Variants in ERBB4 observed in about 807,000 individuals in gnomAD.
The protein encoded by ERBB4 is receptor tyrosine-protein kinase erbB-4.
Under a neutral mutation model 158.0 loss-of-function variants are expected in ERBB4, and 42 were observed. The observed-to-expected ratio is 0.27, with a 90% CI of 0.21 to 0.34. The LOEUF is 0.34. ERBB4 is among the 10% of genes least tolerant of loss of function. ERBB4 has a pLI of 1.00. For missense variants in ERBB4, 1,333 were observed against 1,624.1 expected (o/e 0.82, Z 3.08); for synonymous variants, 583 against 558.7 (o/e 1.04, Z -0.61).
chr2:212,221,121 T>G (rs1574462466), intron 1 of ERBB4, among the ~76,000 whole-genome samples: 1 of 151,468 alleles, frequency 6.6e-6, no homozygotes, highest in East Asian at 1.9e-4. Flanking sequence ...GGGTGGTTTT[T>G]GAGTGGCAGT....
chr2:211,470,884 G>A (rs1319683332), intron 20 of ERBB4, among the ~76,000 whole-genome samples: 1 of 152,202 alleles, frequency 6.6e-6, no homozygotes, highest in Non-Finnish European at 1.5e-5. Context: ...ATTATTTGCT[G>A]CTGCTGCATC....
intron 2 of ERBB4, among the ~76,000 whole-genome samples, chr2:212,085,812 A>G: frequency 6.6e-6 from 1 of 151,064 alleles, no homozygotes; most frequent in East Asian, 2.0e-4. Context: ...TATAGTAGTT[A>G]AAACAGTATC....
intron 1 of ERBB4, among the ~76,000 whole-genome samples, chr2:212,136,599 C>T (rs2080278906): frequency 6.6e-6 from 1 of 152,172 alleles, no homozygotes; most frequent in East Asian, 1.9e-4. Context: ...TCACAATATA[C>T]ACTGCATTTT....
At chr2:211,457,027 A>C (rs918548143) in intron 20 of ERBB4, among the ~76,000 whole-genome samples, 1 of 152,210 alleles carries the variant, frequency 6.6e-6, no homozygotes, top group African/African-American at 2.4e-5. Flanking sequence ...AGCACTTATA[A>C]ATATACAAAT....
At chr2:212,422,181 T>G (rs964723108) in intron 1 of ERBB4, among the ~76,000 whole-genome samples, 1 of 152,148 alleles carries the variant, frequency 6.6e-6, no homozygotes, top group African/African-American at 2.4e-5. Context: ...TGAATGCTGG[T>G]GAATTGTCAC....
At chr2:212,510,392 C>T (rs965754860) in intron 1 of ERBB4, among the ~76,000 whole-genome samples, 1 of 151,562 alleles carries the variant, frequency 6.6e-6, no homozygotes, top group African/African-American at 2.4e-5. Context: ...AAAATGTCTA[C>T]AGGTAGGTAA....
At chr2:212,411,645 C>G (rs890127507) in intron 1 of ERBB4, among the ~76,000 whole-genome samples, 11 of 152,052 alleles carry the variant, frequency 7.2e-5, no homozygotes, top group African/African-American at 2.7e-4. Context: ...CGTGTTGGAG[C>G]TCTCAGAACT....
intron 1 of ERBB4, among the ~76,000 whole-genome samples, chr2:212,261,222 AT>A (rs2084932436): frequency 2.0e-5 from 3 of 152,248 alleles, no homozygotes; most frequent in Non-Finnish European, 4.4e-5. Flanking sequence ...GTTTGATTAT[AT>A]ACAAGGTTAC....
intron 2 of ERBB4, among the ~76,000 whole-genome samples, chr2:212,009,693 T>G (rs2076338994): frequency 6.6e-6 from 1 of 152,174 alleles, no homozygotes; most frequent in African/African-American, 2.4e-5. Context: ...AGAATTACAC[T>G]TGAAGATGTA....
chr2:212,458,416 A>G (rs559549010), intron 1 of ERBB4, among the ~76,000 whole-genome samples: 1 of 152,268 alleles, frequency 6.6e-6, no homozygotes, highest in South Asian at 2.1e-4. Context: ...AGGTGCATGC[A>G]TGAGAAAGTG....
At chr2:212,135,359 C>T (rs2080240494) in intron 1 of ERBB4, among the ~76,000 whole-genome samples, 1 of 152,020 alleles carries the variant, frequency 6.6e-6, no homozygotes, top group Admixed American at 6.6e-5. Context: ...ATAGTCTTCC[C>T]AATATAAACA....
chr2:212,458,370 G>A (rs1688406800), intron 1 of ERBB4, among the ~76,000 whole-genome samples: 1 of 152,090 alleles, frequency 6.6e-6, no homozygotes. Context: ...GGGACATATG[G>A]TGAGGAAAGG....
At chr2:212,281,544 C>G (rs1481354802) in intron 1 of ERBB4, among the ~76,000 whole-genome samples, 4 of 151,666 alleles carry the variant, frequency 2.6e-5, no homozygotes, top group African/African-American at 9.7e-5. Context: ...ATCAGTTGCT[C>G]TAGCTCTCTG....
chr2:212,244,036 T>C (rs933819483), intron 1 of ERBB4, among the ~76,000 whole-genome samples: 3 of 152,100 alleles, frequency 2.0e-5, no homozygotes, highest in African/African-American at 7.2e-5. Flanking sequence ...CTACTTAATA[T>C]TGATTATGTA....
chr2:212,476,536 C>T (rs1483229370), intron 1 of ERBB4, among the ~76,000 whole-genome samples: 1 of 152,064 alleles, frequency 6.6e-6, no homozygotes, highest in African/African-American at 2.4e-5. Context: ...TTGAATGAAA[C>T]TGCAACTATT....
At chr2:212,095,007 T>C (rs968459371) in intron 2 of ERBB4, among the ~76,000 whole-genome samples, 2 of 151,088 alleles carry the variant, frequency 1.3e-5, no homozygotes, top group East Asian at 1.9e-4. Flanking sequence ...TCTGATACTG[T>C]TTTTTTTTCT....
At position 212,210,683 on chromosome 2, in the gene ERBB4, G is replaced by A. The variant is rs113783803; in HGVS notation, c.83-85780C>T. Reference sequence around the variant, plus strand: ...ATGCCTGCTTTTTCATGAAACAAGAGAATCGAGAGTCAGATAATGGATATT... The same window carrying A: ...ATGCCTGCTTTTTCATGAAACAAGAAAATCGAGAGTCAGATAATGGATATT... On this transcript the variant is annotated intron_variant, in intron 1 of 27. Coordinates refer to ENST00000342788, the MANE Select transcript of ERBB4 (RefSeq NM_005235.3). Among the ~76,000 whole-genome samples, 730 of 152,152 alleles carry A rather than the reference G, an allele frequency of 4.8e-3. 7 individuals carry two copies. Among genetic ancestry groups the A allele is most frequent in the Middle Eastern group, 0.017 (5 of 294 alleles).
chr2:211,672,676 T>C (rs2071887041), intron 14 of ERBB4, among the ~76,000 whole-genome samples: 1 of 152,216 alleles, frequency 6.6e-6, no homozygotes, highest in South Asian at 2.1e-4. Context: ...TTTCCTCAAA[T>C]ACAACATGAA....
intron 1 of ERBB4, among the ~76,000 whole-genome samples, chr2:212,160,736 T>G (rs967228396): frequency 1.3e-5 from 2 of 152,014 alleles, no homozygotes; most frequent in African/African-American, 4.8e-5. Context: ...TGAATTCTGT[T>G]AATCAAATTA....
Sources: allele counts gnomAD v4.1 joint callset (sites outside exome capture counted in the v4.1 genomes callset), GRCh38; gene constraint gnomAD v4.1.1; transcripts MANE v1.5; gene names NCBI Gene and HGNC (gene_info 2026-07-23, HGNC 2026-07-21).